Variants in PPP2R3A observed in about 807,000 individuals in gnomAD.
PPP2R3A encodes protein phosphatase 2 regulatory subunit B''alpha, also known as serine/threonine-protein phosphatase 2A regulatory subunit B'' subunit alpha.
PPP2R3A carries 80 observed loss-of-function variants against 106.9 expected under a neutral mutation model. That is an observed-to-expected ratio of 0.75 (90% CI 0.62 to 0.90). The LOEUF (loss-of-function observed/expected upper bound fraction) is 0.90, where lower values mean the gene tolerates loss of function less well. PPP2R3A is among the 40% of genes least tolerant of loss of function. PPP2R3A has a pLI of 0.00. For synonymous variants in PPP2R3A, 483 were observed against 468.3 expected (o/e 1.03, Z -0.41); for missense variants, 1,386 against 1,350.4 (o/e 1.03, Z -0.41).
chr3:135,968,443 A>G (rs1019998205), intron 1 of PPP2R3A, among the ~76,000 whole-genome samples: 1 of 152,210 alleles, frequency 6.6e-6, no homozygotes, highest in African/African-American at 2.4e-5. Context: ...CACGGGAACA[A>G]TATTCCGGGC....
intron 13 of PPP2R3A, among the ~76,000 whole-genome samples, chr3:136,107,431 C>CTT (rs11324496): frequency 5.5e-4 from 39 of 71,396 alleles, no homozygotes; most frequent in Middle Eastern, 0.011. Context: ...TACATGAATT[C>CTT]TTTTTTTTTT....
rs1011379057 is a variant in PPP2R3A, at chr3:136,129,752, G to A, written c.3330-15291G>A. ...CCGGCCAGTATCCCTGATGAACATCGATGCAAAAATCCTCAAAATACTGGC... is the reference window on the plus strand; with the variant it reads ...CCGGCCAGTATCCCTGATGAACATCAATGCAAAAATCCTCAAAATACTGGC... On this transcript the variant is annotated intron_variant, in intron 13 of 13. Transcript: ENST00000264977. 4.6e-5 allele frequency among the ~76,000 whole-genome samples: 7 copies of A among 152,164 alleles called. No homozygotes were observed. In the East Asian group the frequency reaches 5.8e-4, roughly 13 times the overall value.
At chr3:135,969,711 C>G (rs1404711649) in intron 1 of PPP2R3A, among the ~76,000 whole-genome samples, 2 of 152,134 alleles carry the variant, frequency 1.3e-5, no homozygotes, top group South Asian at 2.1e-4. Context: ...ATGTTTTGCC[C>G]ATACAGTGGT....
At chr3:136,085,885 G>C in intron 8 of PPP2R3A, among the ~76,000 whole-genome samples, 1 of 151,628 alleles carries the variant, frequency 6.6e-6, no homozygotes, top group Middle Eastern at 3.4e-3. Context: ...CCAAGAGTTC[G>C]AGACCAGCCT....
intron 5 of PPP2R3A, chr3:136,055,237 C>A: frequency 1.2e-6 from 1 of 801,932 alleles, no homozygotes; most frequent in Non-Finnish European, 2.1e-6. Flanking sequence ...TACTTTCTAT[C>A]AAGCTGCGTA....
chr3:136,112,546 A>C (rs1016159614), intron 13 of PPP2R3A, among the ~76,000 whole-genome samples: 1 of 152,198 alleles, frequency 6.6e-6, no homozygotes, highest in Non-Finnish European at 1.5e-5. Context: ...CAATAGCCAC[A>C]AAAAGAATAA....
intron 2 of PPP2R3A, among the ~76,000 whole-genome samples, chr3:136,024,220 C>A (rs1323763652): frequency 6.6e-6 from 1 of 152,092 alleles, no homozygotes; most frequent in Non-Finnish European, 1.5e-5. Flanking sequence ...TGAGCAGATG[C>A]TAAACTTGCT....
intron 1 of PPP2R3A, among the ~76,000 whole-genome samples, chr3:135,993,749 ACTC>A (rs1407163053): frequency 2.0e-5 from 3 of 152,234 alleles, no homozygotes; most frequent in Admixed American, 6.5e-5. Context: ...GTGGAATACT[ACTC>A]AGCAGTGTAA....
rs781522571 is a variant in PPP2R3A, at chr3:136,078,415, A to G, written c.2593A>G (p.Ile865Val). The change falls in exon 7 of 14, where the codon ATT becomes GTT. Residue 865 changes from isoleucine (I) to valine (V), a missense_variant. By Grantham distance (29) the Ile-to-Val change is conservative. Transcript: ENST00000264977. Reference sequence around the variant, plus strand: ...AGTCAACAGATCTTGGAGTGGAAAAATTACTTCGACAGAGATAAGAAAAAG... The same window carrying G: ...AGTCAACAGATCTTGGAGTGGAAAAGTTACTTCGACAGAGATAAGAAAAAG... ...YTVNRSWSGKITSTEIRKSNF... is the reference protein window; with the variant it reads ...YTVNRSWSGKVTSTEIRKSNF... 1.9e-6 allele frequency: 3 copies of G among 1,611,320 alleles called. No individual in the cohort carries two copies. Among genetic ancestry groups the G allele is most frequent in the Non-Finnish European group, 1.7e-6 (2 of 1,178,018 alleles).
intron 1 of PPP2R3A, among the ~76,000 whole-genome samples, chr3:135,997,656 C>T (rs1040716096): frequency 3.3e-5 from 5 of 152,144 alleles, no homozygotes; most frequent in Admixed American, 6.5e-5. Flanking sequence ...TGTCCTGTGG[C>T]CACCCCCTGT....
intron 3 of PPP2R3A, among the ~76,000 whole-genome samples, chr3:136,033,618 T>G (rs1024975110): frequency 2.0e-5 from 3 of 152,182 alleles, no homozygotes; most frequent in African/African-American, 7.2e-5. Flanking sequence ...CTAGAAGGGT[T>G]GTATCTTTCC....
intron 5 of PPP2R3A, among the ~76,000 whole-genome samples, chr3:136,069,817 T>C (rs1020196957): frequency 1.3e-5 from 2 of 152,206 alleles, no homozygotes; most frequent in African/African-American, 4.8e-5. Context: ...TCTGGGCTCA[T>C]TCAGAATGCT....
At chr3:136,083,182 T>A (rs1936834323) in intron 8 of PPP2R3A, among the ~76,000 whole-genome samples, 1 of 151,952 alleles carries the variant, frequency 6.6e-6, no homozygotes. Flanking sequence ...CCTGGCTAAT[T>A]TTTTTGTATT....
At chr3:135,996,511 C>G (rs985706785) in intron 1 of PPP2R3A, among the ~76,000 whole-genome samples, 4 of 152,194 alleles carry the variant, frequency 2.6e-5, no homozygotes, top group African/African-American at 7.2e-5. Flanking sequence ...GTTGGTTAAT[C>G]TAACAGAGTT....
chr3:136,092,432 C>G (rs1371204913), intron 10 of PPP2R3A, among the ~76,000 whole-genome samples: 1 of 152,130 alleles, frequency 6.6e-6, no homozygotes, highest in Non-Finnish European at 1.5e-5. Flanking sequence ...CTACAGATTC[C>G]TAACAAAATA....
At chr3:136,068,784 C>T (rs778477495) in intron 5 of PPP2R3A, among the ~76,000 whole-genome samples, 7 of 150,484 alleles carry the variant, frequency 4.7e-5, no homozygotes, top group African/African-American at 7.5e-5. Context: ...CAGTGGAGAA[C>T]GCAGCAGACA....
intron 2 of PPP2R3A, among the ~76,000 whole-genome samples, chr3:136,015,038 T>C (rs572003364): frequency 2.1e-4 from 32 of 152,288 alleles, no homozygotes; most frequent in Non-Finnish European, 4.3e-4. Flanking sequence ...CATAAAGGGA[T>C]GCTGGATTTT....
intron 2 of PPP2R3A, among the ~76,000 whole-genome samples, chr3:136,021,452 A>G (rs951897503): frequency 2.6e-5 from 4 of 152,162 alleles, no homozygotes; most frequent in African/African-American, 9.6e-5. Flanking sequence ...CTTTAGACAT[A>G]TAAGCCTAAT....
chr3:136,015,120 A>G (rs888424191), intron 2 of PPP2R3A, among the ~76,000 whole-genome samples: 5 of 152,116 alleles, frequency 3.3e-5, no homozygotes, highest in Non-Finnish European at 5.9e-5. Flanking sequence ...TCTGTGGTGT[A>G]TCACATTTAT....
Sources: gnomAD v4.1 joint callset for allele counts (sites outside exome capture counted in the v4.1 genomes callset) on GRCh38, gnomAD v4.1.1 for gene constraint, MANE v1.5 for transcripts, NCBI Gene and HGNC (gene_info 2026-07-23, HGNC 2026-07-21) for gene names.